Variants in POGLUT1 observed in about 807,000 individuals in gnomAD.
POGLUT1 encodes the protein 9630046K23Rik.
Under a neutral mutation model 61.3 loss-of-function variants are expected in POGLUT1, and 32 were observed. That is an observed-to-expected ratio of 0.52 (90% CI 0.39 to 0.70). The LOEUF (loss-of-function observed/expected upper bound fraction) is 0.70. Among genes scored for constraint, POGLUT1 ranks in the 30% least tolerant of loss-of-function variants. The pLI, the probability that POGLUT1 is intolerant of heterozygous loss-of-function variation, is 0.00. For missense variants in POGLUT1, 411 were observed against 469.8 expected (o/e 0.87, Z 1.16); for synonymous variants, 158 against 158.2 (o/e 1.00, Z 0.01).
At chr3:119,480,437 G>A (rs924890819) in intron 5 of POGLUT1, among the ~76,000 whole-genome samples, 5 of 151,690 alleles carry the variant, frequency 3.3e-5, no homozygotes, top group Admixed American at 2.6e-4. Flanking sequence ...TAGTAGAGAC[G>A]GGGTGTCTCC....
Position 119,493,315 on chromosome 3 carries a change from T to C in POGLUT1, c.*877T>C, listed in dbSNP as rs753558828. The C allele has an allele frequency of 1.2e-4, 18 of 152,220 alleles. No homozygotes were observed. The highest frequency in any genetic ancestry group is 1.9e-4 in the Non-Finnish European group (13 of 68,016). 9.4% of individuals were successfully genotyped at this position (152,220 alleles called of 1,614,324 possible). ...TTGCAGGAATCACAAGAAGTCTTCA[T>C]ATGTGAACGTGCCATTCAGTTGGTA... On this transcript the variant is annotated 3_prime_UTR_variant, in exon 11 of 11. Coordinates refer to ENST00000295588, the MANE Select transcript of POGLUT1 (RefSeq NM_152305.3).
intron 5 of POGLUT1, among the ~76,000 whole-genome samples, chr3:119,483,311 G>C (rs1395469673): frequency 6.6e-6 from 1 of 152,144 alleles, no homozygotes; most frequent in East Asian, 1.9e-4. Context: ...ATCATAACAT[G>C]ACTATAAAAT....
intron 3 of POGLUT1, among the ~76,000 whole-genome samples, chr3:119,472,838 C>T (rs1480546817): frequency 6.6e-6 from 1 of 152,204 alleles, no homozygotes; most frequent in Non-Finnish European, 1.5e-5. Flanking sequence ...CAAGACGAGC[C>T]TAGGCCACAT....
chr3:119,487,186 G>A (rs2081675149), intron 7 of POGLUT1: 1 of 499,064 alleles, frequency 2.0e-6, no homozygotes, highest in Non-Finnish European at 3.6e-6. Flanking sequence ...TTTCCAGGAA[G>A]GGCCAAATAG....
chr3:119,485,417 T>C, intron 6 of POGLUT1, 30 bp downstream of exon 6: 1 of 1,462,802 alleles, frequency 6.8e-7, no homozygotes, highest in Non-Finnish European at 9.6e-7. Flanking sequence ...TTTACAAAGA[T>C]ATTCTTCCAA....
Position 119,477,318 on chromosome 3 carries a change from G to T in POGLUT1, c.326G>T (p.Ser109Ile), listed in dbSNP as rs563452424. 8 of 1,614,144 alleles carry T rather than the reference G, an allele frequency of 5.0e-6. No homozygotes were observed. In the South Asian group the frequency reaches 7.7e-5, roughly 16 times the overall value. The change falls in exon 4 of 11, where the codon AGT becomes ATT. Residue 109 changes from serine (S) to isoleucine (I), a missense_variant. Transcript: ENST00000295588. ...ATGGTATGTCTGGTTGACAGGTGTA[G>T]TGGTGTTGAGCACTTTATTTTGGAA... The part of the protein sequence containing the change: ...ENDCMFPSRC[S>I]GVEHFILEVI...
At chr3:119,475,528 A>T (rs1418648594) in intron 3 of POGLUT1, among the ~76,000 whole-genome samples, 3 of 152,208 alleles carry the variant, frequency 2.0e-5, no homozygotes, top group South Asian at 4.1e-4. Flanking sequence ...ATCTTGATAA[A>T]TAGGCTGGGT....
At chr3:119,487,131 G>A in intron 7 of POGLUT1, 199 bp downstream of exon 7, 1 of 576,434 alleles carries the variant, frequency 1.7e-6, no homozygotes, top group Non-Finnish European at 3.1e-6. Context: ...ATTATGACTA[G>A]TATATTGCAC....
chr3:119,474,328 CTGA>C (rs528523310), intron 3 of POGLUT1, among the ~76,000 whole-genome samples: 70 of 152,264 alleles, frequency 4.6e-4, no homozygotes, highest in South Asian at 2.1e-3. Context: ...ACAGTGTACA[CTGA>C]TAAGTCTTCA....
At chr3:119,487,631 A>G (rs1389473053) in intron 7 of POGLUT1, among the ~76,000 whole-genome samples, 2 of 152,194 alleles carry the variant, frequency 1.3e-5, no homozygotes, top group Non-Finnish European at 2.9e-5. Flanking sequence ...TAAAAACTTT[A>G]TGGGCACTGA....
intron 6 of POGLUT1, among the ~76,000 whole-genome samples, chr3:119,486,010 G>T (rs916638987): frequency 2.8e-4 from 43 of 152,178 alleles, no homozygotes. Context: ...AGGGAGCAGG[G>T]TTTTGTAGTT....
rs147674217 is a variant in POGLUT1 at position 119,477,354 on chromosome 3, G to A, written c.362G>A (p.Arg121His). The A allele has an allele frequency of 1.1e-4, 177 of 1,613,474 alleles. No homozygotes were observed. The highest frequency in any genetic ancestry group is 3.2e-4 in the Admixed American group (19 of 60,020). Reference protein sequence around the residue: ...VEHFILEVIGRLPDMEMVINV... With the variant: ...VEHFILEVIGHLPDMEMVINV... ...CACTTTATTTTGGAAGTGATCGGGC[G>A]TCTCCCTGACATGGAGATGGTGATC... is the stretch of plus-strand genomic sequence containing the variant. Residue 121 changes from arginine to histidine, a missense_variant, in exon 4 of 11, where the codon CGT becomes CAT. Arg to His is a conservative substitution (Grantham distance 29). Transcript: ENST00000295588.
chr3:119,471,333 T>G lies in POGLUT1; in HGVS notation c.201T>G (p.Pro67=), dbSNP rs1346014595. The G allele has an allele frequency of 6.2e-7, 1 of 1,614,106 alleles. No individual in the cohort carries two copies. Among genetic ancestry groups the G allele is most frequent in the East Asian group, 2.2e-5 (1 of 44,874 alleles). ...GTGTCATAGAAGAGGATCTAACTCC[T>G]TTCCGAGGAGGCATCTCCAGGAAGA... The part of the protein sequence containing the change: ...YHGVIEEDLT[P]FRGGISRKMM... The change falls in exon 3 of 11, where the codon CCT becomes CCG. Residue 67 remains proline, a synonymous_variant. Coordinates refer to ENST00000295588, the MANE Select transcript of POGLUT1 (RefSeq NM_152305.3).
chr3:119,475,285 C>T (rs1305397035), intron 3 of POGLUT1, among the ~76,000 whole-genome samples: 1 of 152,116 alleles, frequency 6.6e-6, no homozygotes, highest in Admixed American at 6.6e-5. Context: ...CATAAGAGTC[C>T]ATAGAGAATG....
At chr3:119,470,075 A>G (rs1053626726) in intron 2 of POGLUT1, among the ~76,000 whole-genome samples, 165 bp downstream of exon 2, 1 of 152,156 alleles carries the variant, frequency 6.6e-6, no homozygotes, top group African/African-American at 2.4e-5. Context: ...GGTGGTGTCA[A>G]CCTAACCACT....
intron 3 of POGLUT1, among the ~76,000 whole-genome samples, chr3:119,474,424 C>T (rs2107706563): frequency 1.3e-5 from 2 of 152,336 alleles, no homozygotes; most frequent in East Asian, 3.9e-4. Context: ...TCTCCTGCGT[C>T]TCCCTGTCTC....
At chr3:119,487,962 A>G (rs2081689357) in intron 7 of POGLUT1, 1 of 152,136 alleles carries the variant, frequency 6.6e-6, no homozygotes, top group Non-Finnish European at 1.5e-5. Flanking sequence ...TTTACAGTCC[A>G]CTCTCTCCTC....
chr3:119,488,709 C>T, intron 7 of POGLUT1: 2 of 337,378 alleles, frequency 5.9e-6, no homozygotes, highest in African/African-American at 4.2e-5. Flanking sequence ...CTGGTTAAAA[C>T]TCTGTCTTCT....
intron 4 of POGLUT1, among the ~76,000 whole-genome samples, chr3:119,479,426 G>T (rs2081581404): frequency 6.6e-6 from 1 of 152,120 alleles, no homozygotes; most frequent in African/African-American, 2.4e-5. Flanking sequence ...AATTTTACGT[G>T]TATCAACTCA....
Sources: allele counts gnomAD v4.1 joint callset (sites outside exome capture counted in the v4.1 genomes callset), GRCh38; gene constraint gnomAD v4.1.1; transcripts MANE v1.5; gene names NCBI Gene and HGNC (gene_info 2026-07-23, HGNC 2026-07-21).